KIF4B: variants seen among roughly 807,000 people sequenced by gnomAD.
KIF4B encodes kinesin family member 4B, also known as chromosome-associated kinesin KIF4B.
KIF4B carries 60 observed loss-of-function variants against 69.0 expected under a neutral mutation model. That is an observed-to-expected ratio of 0.87 (90% confidence interval 0.71 to 1.08). The LOEUF (loss-of-function observed/expected upper bound fraction) is 1.08. KIF4B is among the 50% of genes least tolerant of loss of function. The pLI is 0.00. For synonymous variants in KIF4B, 489 were observed against 533.0 expected (o/e 0.92, Z 1.14); for missense variants, 1,357 against 1,451.9 (o/e 0.93, Z 1.06).
rs773069983 is a variant in KIF4B at position 155,014,371 on chromosome 5, T to C, written c.512T>C (p.Ile171Thr). Reference sequence around the variant, plus strand: ...ATACGGGAGGATCCTAAGGAAGGCATAAAGATTGTGGGACTCACTGAGAAG... The same window carrying C: ...ATACGGGAGGATCCTAAGGAAGGCACAAAGATTGTGGGACTCACTGAGAAG... ...INIREDPKEG[I>T]KIVGLTEKTV... is the part of the protein sequence containing the mutation. Residue 171 changes from isoleucine to threonine, a missense_variant, in exon 1 of 1, where the codon ATA becomes ACA. Ile to Thr is a moderately conservative substitution (Grantham distance 89). Transcript: ENST00000435029. The C allele has an allele frequency of 6.2e-7, 1 of 1,614,236 alleles. No individual in the cohort carries two copies. The highest frequency in any genetic ancestry group is 8.5e-7 in the Non-Finnish European group (1 of 1,180,040).
chr5:155,016,793 G>C lies in KIF4B; in HGVS notation c.2934G>C (p.Glu978Asp), dbSNP rs761236744. 6 of 1,614,058 alleles carry C rather than the reference G, an allele frequency of 3.7e-6. No homozygotes were observed. Among genetic ancestry groups the C allele is most frequent in the African/African-American group, 1.3e-5 (1 of 74,908 alleles). The change falls in exon 1 of 1, where the codon GAG becomes GAC. Residue 978 changes from glutamate (E) to aspartate (D), a missense_variant. Physicochemically the swap from Glu to Asp is conservative, Grantham distance 45. Coordinates refer to ENST00000435029, the MANE Select transcript of KIF4B (RefSeq NM_001099293.3). ...TTGAGAAGATGCGAGAAGTGTGTGA[G>C]CAAAATCAGCAGCTTCTCCAAGAGA... ...EELEKMREVCEQNQQLLQENE... is the reference protein window; with the variant it reads ...EELEKMREVCDQNQQLLQENE...
chr5:155,014,311 T>C lies in KIF4B; in HGVS notation c.452T>C (p.Leu151Pro), dbSNP rs756574437. ...ATTTACAATGAAGAAATTTTGGATCTTCTATGCCCATCTCGTGAGAAAGCT... is the reference window on the plus strand; with the variant it reads ...ATTTACAATGAAGAAATTTTGGATCCTCTATGCCCATCTCGTGAGAAAGCT... ...LEIYNEEILD[L>P]LCPSREKAQI... The change falls in exon 1 of 1, where the codon CTT becomes CCT. Residue 151 changes from leucine to proline, a missense_variant. Physicochemically the swap from Leu to Pro is moderately conservative, Grantham distance 98. Transcript: ENST00000435029. 1.9e-6 allele frequency: 3 copies of C among 1,614,130 alleles called. No homozygotes were observed. The highest frequency in any genetic ancestry group is 2.5e-6 in the Non-Finnish European group (3 of 1,180,048).
At position 155,015,326 on chromosome 5, in the gene KIF4B, T is replaced by C; in HGVS notation, c.1467T>C (p.Asp489=). Residue 489 remains aspartate (D), a synonymous_variant, in exon 1 of 1, where the codon GAT becomes GAC. Coordinates refer to ENST00000435029, the MANE Select transcript of KIF4B (RefSeq NM_001099293.3). The part of the protein sequence containing the change: ...ETVACTAAAI[D]TAVEEEAQVE... The stretch of plus-strand genomic sequence containing the variant: ...TTGCTTGCACGGCTGCAGCCATTGA[T>C]ACTGCGGTAGAAGAAGAAGCTCAAG... The C allele has an allele frequency of 1.2e-6, 2 of 1,614,226 alleles. No individual in the cohort carries two copies. The highest frequency in any genetic ancestry group is 1.7e-5 in the Admixed American group (1 of 60,028).
rs775335551 is a variant in KIF4B, at chr5:155,016,531, G to A, written c.2672G>A (p.Ser891Asn). ...AAACTTGAAAACAGCCTGAGACAGA[G>A]CAAGGCCAGCTGTGCTGACATGCAG... ...VTKLENSLRQ[S>N]KASCADMQKM... Residue 891 changes from serine to asparagine, a missense_variant, in exon 1 of 1, where the codon AGC becomes AAC. Coordinates refer to ENST00000435029, the MANE Select transcript of KIF4B (RefSeq NM_001099293.3). 6.2e-7 allele frequency: 1 copy of A among 1,614,208 alleles called. No homozygotes were observed. Among genetic ancestry groups the A allele is most frequent in the Non-Finnish European group, 8.5e-7 (1 of 1,180,044 alleles).
In KIF4B at chr5:155,013,804, G is replaced by C; in HGVS notation, c.-56G>C. Reference sequence around the variant, plus strand: ...CTCCGGCTGGGACAGGGCGGCGGGAGACCCCGGGTGAACGGGGAAGGGACA... The same window carrying C: ...CTCCGGCTGGGACAGGGCGGCGGGACACCCCGGGTGAACGGGGAAGGGACA... On this transcript the variant is annotated 5_prime_UTR_variant, in exon 1 of 1. Transcript: ENST00000435029. The C allele has an allele frequency of 6.3e-7, 1 of 1,598,650 alleles. No individual in the cohort carries two copies. Among genetic ancestry groups the C allele is most frequent in the Non-Finnish European group, 8.5e-7 (1 of 1,170,996 alleles).
rs201499726 is a variant in KIF4B at position 155,017,138 on chromosome 5, G to C, written c.3279G>C (p.Trp1093Cys). ...TCCAAGGGTGTTCCTGCAAGGGCTG[G>C]TGTGGGAACAAGCAGTGTGGGTGCA... is the stretch of plus-strand genomic sequence containing the variant. ...KNIQGCSCKG[W>C]CGNKQCGCRK... Residue 1093 changes from tryptophan (W) to cysteine (C), a missense_variant, in exon 1 of 1, where the codon TGG becomes TGC. By Grantham distance (215) the Trp-to-Cys change is radical (BLOSUM62 -2). Coordinates refer to ENST00000435029, the MANE Select transcript of KIF4B (RefSeq NM_001099293.3). 1 of 1,614,178 alleles carries C rather than the reference G, an allele frequency of 6.2e-7. No individual in the cohort carries two copies. Among genetic ancestry groups the C allele is most frequent in the Non-Finnish European group, 8.5e-7 (1 of 1,180,030 alleles).
chr5:155,015,187 G>T lies in KIF4B; in HGVS notation c.1328G>T (p.Cys443Phe). The T allele has an allele frequency of 6.2e-7, 1 of 1,614,212 alleles. No individual in the cohort carries two copies. Among genetic ancestry groups the T allele is most frequent in the Non-Finnish European group, 8.5e-7 (1 of 1,180,034 alleles). Residue 443 changes from cysteine to phenylalanine, a missense_variant, in exon 1 of 1, where the codon TGC becomes TTC. Transcript: ENST00000435029. Reference protein sequence around the residue: ...KLEELRQHVACKLDLQKLVET... With the variant: ...KLEELRQHVAFKLDLQKLVET... ...GAAGAGCTCAGGCAGCATGTGGCCTGCAAGCTGGATCTTCAAAAGCTAGTG... is the reference window on the plus strand; with the variant it reads ...GAAGAGCTCAGGCAGCATGTGGCCTTCAAGCTGGATCTTCAAAAGCTAGTG...
chr5:155,015,649 A>C lies in KIF4B; in HGVS notation c.1790A>C (p.His597Pro), dbSNP rs1582713080. ...KNVNQAKLSEHRHKLLQELEG... is the reference protein window; with the variant it reads ...KNVNQAKLSEPRHKLLQELEG... ...GTCAACCAAGCCAAGCTGAGTGAGC[A>C]CCGCCACAAACTTCTCCAGGAGCTG... Residue 597 changes from histidine (H) to proline (P), a missense_variant, in exon 1 of 1, where the codon CAC (histidine) becomes CCC (proline). Physicochemically the swap from His to Pro is moderately conservative, Grantham distance 77. Transcript: ENST00000435029. The C allele has an allele frequency of 6.8e-6, 11 of 1,614,234 alleles. No homozygotes were observed. Among genetic ancestry groups the C allele is most frequent in the Non-Finnish European group, 8.5e-6 (10 of 1,180,038 alleles).
Position 155,016,820 on chromosome 5 carries a change from T to A in KIF4B, c.2961T>A (p.Asn987Lys), listed in dbSNP as rs754241501. 6.2e-7 allele frequency: 1 copy of A among 1,614,084 alleles called. No homozygotes were observed. The highest frequency in any genetic ancestry group is 1.1e-5 in the South Asian group (1 of 91,068). Reference sequence around the variant, plus strand: ...AAAATCAGCAGCTTCTCCAAGAGAATGAAATCATCAAGCAGAAACTGATCC... The same window carrying A: ...AAAATCAGCAGCTTCTCCAAGAGAAAGAAATCATCAAGCAGAAACTGATCC... ...CEQNQQLLQENEIIKQKLILL... is the reference protein window; with the variant it reads ...CEQNQQLLQEKEIIKQKLILL... Residue 987 changes from asparagine (N) to lysine (K), a missense_variant, in exon 1 of 1, where the codon AAT (asparagine) becomes AAA (lysine). Physicochemically the swap from Asn to Lys is moderately conservative, Grantham distance 94. Transcript: ENST00000435029.
Position 155,016,304 on chromosome 5 carries a change from T to C in KIF4B, c.2445T>C (p.Cys815=). Reference sequence around the variant, plus strand: ...GTCAAGTTTTGGAGTCAGAAGATTGTATTACAAAACAGATTGAAAGCCTAG... The same window carrying C: ...GTCAAGTTTTGGAGTCAGAAGATTGCATTACAAAACAGATTGAAAGCCTAG... ...VHGQVLESED[C]ITKQIESLET... The change falls in exon 1 of 1, where the codon TGT becomes TGC. Residue 815 remains cysteine (C), a synonymous_variant. Coordinates refer to ENST00000435029, the MANE Select transcript of KIF4B (RefSeq NM_001099293.3). 2 of 1,614,176 alleles carry C rather than the reference T, an allele frequency of 1.2e-6. No homozygotes were observed. Among genetic ancestry groups the C allele is most frequent in the East Asian group, 2.2e-5 (1 of 44,890 alleles).
chr5:155,017,151 C>T lies in KIF4B; in HGVS notation c.3292C>T (p.Gln1098Ter), dbSNP rs370374254. Residue 1098 changes from glutamine to a stop codon, truncating the protein, a stop_gained, in exon 1 of 1, where the codon CAG becomes TAG. Transcript: ENST00000435029. LOFTEE classifies it low-confidence loss of function (END_TRUNC). ...CSCKGWCGNK[Q>*]CGCRKQKSDC... ...CTGCAAGGGCTGGTGTGGGAACAAG[C>T]AGTGTGGGTGCAGGAAGCAAAAGTC... The T allele has an allele frequency of 6.2e-7, 1 of 1,614,012 alleles. No homozygotes were observed. Among genetic ancestry groups the T allele is most frequent in the Non-Finnish European group, 8.5e-7 (1 of 1,180,050 alleles).
In KIF4B at chr5:155,016,484, C is replaced by G; in HGVS notation, c.2625C>G (p.Val875=). ...CALKYLIGEL[V]SSKIHVTKLE... The stretch of plus-strand genomic sequence containing the variant: ...TGAAATATTTGATTGGAGAGCTGGT[C>G]TCCTCCAAAATACATGTCACCAAAC... The change falls in exon 1 of 1, where the codon GTC becomes GTG. Residue 875 remains valine (V), a synonymous_variant. Transcript: ENST00000435029. The G allele has an allele frequency of 6.2e-7, 1 of 1,614,182 alleles. No individual in the cohort carries two copies.
Position 155,014,160 on chromosome 5 carries a change from G to A in KIF4B, c.301G>A (p.Ala101Thr), listed in dbSNP as rs1175584940. The change falls in exon 1 of 1, where the codon GCA (alanine) becomes ACA (threonine). Residue 101 changes from alanine (A) to threonine (T), a missense_variant. Physicochemically the swap from Ala to Thr is moderately conservative, Grantham distance 58 (BLOSUM62 0). Transcript: ENST00000435029. ...TGGAAAAACCTATTCAATGGGAGGT[G>A]CATACACTGCGGAGCAGGAGAATGA... ...GSGKTYSMGGAYTAEQENEPT... is the reference protein window; with the variant it reads ...GSGKTYSMGGTYTAEQENEPT... 1 of 1,614,250 alleles carries A rather than the reference G, an allele frequency of 6.2e-7. No individual in the cohort carries two copies. The highest frequency in any genetic ancestry group is 8.5e-7 in the Non-Finnish European group (1 of 1,180,050).
chr5:155,017,729 C>T lies in KIF4B; in HGVS notation c.*165C>T, dbSNP rs1056783032. 7.8e-7 allele frequency: 1 copy of T among 1,280,682 alleles called. No homozygotes were observed. Among genetic ancestry groups the T allele is most frequent in the Admixed American group, 2.9e-5 (1 of 34,756 alleles). 79.3% of individuals were successfully genotyped at this position (1,280,682 alleles called of 1,614,324 possible). On this transcript the variant is annotated 3_prime_UTR_variant, in exon 1 of 1. Coordinates refer to ENST00000435029, the MANE Select transcript of KIF4B (RefSeq NM_001099293.3). ...AGGTAACCTTTGTTGGATGTTGTCC[C>T]TCAGTCTCCATCCCCAGACTACTGC...
Position 155,014,498 on chromosome 5 carries a change from T to C in KIF4B, c.639T>C (p.His213=), listed in dbSNP as rs966729128. ...TGAACTCCCAGTCGTCCCGATCTCATGCCATCTTTACAATCTCCATAGAGC... is the reference window on the plus strand; with the variant it reads ...TGAACTCCCAGTCGTCCCGATCTCACGCCATCTTTACAATCTCCATAGAGC... ...TAMNSQSSRS[H]AIFTISIEQR... is the part of the protein sequence containing the mutation. The change falls in exon 1 of 1, where the codon CAT becomes CAC. Residue 213 remains histidine (H), a synonymous_variant. Transcript: ENST00000435029. 9 of 1,613,976 alleles carry C rather than the reference T, an allele frequency of 5.6e-6. No homozygotes were observed. The African/African-American group carries it at 1.2e-4, about 22-fold the overall frequency.
In KIF4B at chr5:155,014,939, G is replaced by A; in HGVS notation, c.1080G>A (p.Gln360=). 1 of 1,614,204 alleles carries A rather than the reference G, an allele frequency of 6.2e-7. No homozygotes were observed. Among genetic ancestry groups the A allele is most frequent in the Non-Finnish European group, 8.5e-7 (1 of 1,180,032 alleles). The change falls in exon 1 of 1, where the codon CAG becomes CAA. Residue 360 remains glutamine, a synonymous_variant. Transcript: ENST00000435029. ...ATCATCTAAAGCAACAGGTACAACA[G>A]CTACAAGTCTTGTTGCTACAAGCCC... ...ELNHLKQQVQ[Q]LQVLLLQAHG...
chr5:155,014,492 A>G lies in KIF4B; in HGVS notation c.633A>G (p.Arg211=). 1.2e-6 allele frequency: 2 copies of G among 1,614,110 alleles called. No homozygotes were observed. The highest frequency in any genetic ancestry group is 1.7e-6 in the Non-Finnish European group (2 of 1,179,980). The part of the protein sequence containing the change: ...ASTAMNSQSS[R]SHAIFTISIE... ...CAGCTATGAACTCCCAGTCGTCCCG[A>G]TCTCATGCCATCTTTACAATCTCCA... The change falls in exon 1 of 1, where the codon CGA becomes CGG. Residue 211 remains arginine (R), a synonymous_variant. Transcript: ENST00000435029.
Position 155,017,170 on chromosome 5 carries a change from A to C in KIF4B, c.3311A>C (p.Gln1104Pro), listed in dbSNP as rs775442208. ...AACAAGCAGTGTGGGTGCAGGAAGC[A>C]AAAGTCAGACTGTGGTGTGGACTGT... Reference protein sequence around the residue: ...CGNKQCGCRKQKSDCGVDCSC... With the variant: ...CGNKQCGCRKPKSDCGVDCSC... Residue 1104 changes from glutamine to proline, a missense_variant, in exon 1 of 1, where the codon CAA becomes CCA. Gln to Pro is a moderately conservative substitution (Grantham distance 76). Transcript: ENST00000435029. 1 of 1,614,200 alleles carries C rather than the reference A, an allele frequency of 6.2e-7. No homozygotes were observed. Among genetic ancestry groups the C allele is most frequent in the Non-Finnish European group, 8.5e-7 (1 of 1,180,030 alleles).
rs557606097 is a variant in KIF4B at position 155,015,152 on chromosome 5, C to T, written c.1293C>T (p.Asn431=). ...ILTEQVNEKL[N]AKLEELRQHV... is the part of the protein sequence containing the mutation. ...CAGAGCAAGTGAATGAAAAACTGAA[C>T]GCCAAGCTAGAAGAGCTCAGGCAGC... Residue 431 remains asparagine (N), a synonymous_variant, in exon 1 of 1, where the codon AAC becomes AAT. Transcript: ENST00000435029. The T allele has an allele frequency of 1.2e-5, 19 of 1,614,196 alleles. No homozygotes were observed. The Admixed American group carries it at 2.3e-4, about 20-fold the overall frequency.
Sources: gnomAD v4.1 joint callset for allele counts on GRCh38, gnomAD v4.1.1 for gene constraint, MANE v1.5 for transcripts, NCBI Gene and HGNC (gene_info 2026-07-23, HGNC 2026-07-21) for gene names.